The following SMARCA2 variants were observed in gnomAD, a reference collection of about 807,000 sequenced individuals.
SMARCA2 encodes the protein SWI/SNF-related matrix-associated actin-dependent regulator of chromatin subfamily A member 2.
SMARCA2 carries 61 observed loss-of-function variants against 199.8 expected under a neutral mutation model. The observed-to-expected ratio is 0.31, with a 90% CI of 0.25 to 0.38. The LOEUF is 0.38. Among genes scored for constraint, SMARCA2 ranks in the 10% least tolerant of loss-of-function variants. The pLI is 1.00. For synonymous variants in SMARCA2, 935 were observed against 732.0 expected, an observed-to-expected ratio of 1.28 and a Z score of -4.48; for missense variants, 1,344 against 2,012.2, an observed-to-expected ratio of 0.67 and a Z score of 6.35.
At position 2,110,182 on chromosome 9, in the gene SMARCA2, G is replaced by A. The variant is rs1792559281; in HGVS notation, c.3293-72G>A. On this transcript the variant is annotated intron_variant, in intron 23 of 33. Transcript: ENST00000349721. This position sits in a 1 kb window ranked among gnomAD's most constrained non-coding sequence, Gnocchi z 4.8. ...TGGGTATATTTCTTGAAGGAAGCAAGCCTTTTTGTCTCATTCTGTGCCATT... is the reference window on the plus strand; with the variant it reads ...TGGGTATATTTCTTGAAGGAAGCAAACCTTTTTGTCTCATTCTGTGCCATT... The A allele has an allele frequency of 8.1e-7, 1 of 1,241,324 alleles. No individual in the cohort carries two copies. The highest frequency in any genetic ancestry group is 1.1e-6 in the Non-Finnish European group (1 of 891,186). The allele number at this position is 1,241,324 out of a possible 1,614,324, so 76.9% of individuals were successfully genotyped here.
intron 27 of SMARCA2, among the ~76,000 whole-genome samples, chr9:2,157,338 G>C (rs1370978145): frequency 6.6e-6 from 1 of 152,136 alleles, no homozygotes; most frequent in Non-Finnish European, 1.5e-5. Context: ...TGTGTGAGCT[G>C]TCCCCAGAAA....
chr9:2,137,528 T>G (rs1824257001), intron 27 of SMARCA2, among the ~76,000 whole-genome samples: 1 of 152,180 alleles, frequency 6.6e-6, no homozygotes, highest in African/African-American at 2.4e-5. Context: ...TGTCTCCTCC[T>G]TGTCCCAATG....
At position 2,160,690 on chromosome 9, in the gene SMARCA2, A is replaced by G. The variant is rs553100265; in HGVS notation, c.3982-996A>G. 1.3e-5 allele frequency: 9 copies of G among 674,566 alleles called. No homozygotes were observed. The East Asian group carries it at 2.2e-4, about 16-fold the overall frequency. 41.8% of individuals were successfully genotyped at this position (674,566 alleles called of 1,614,324 possible). A position where few individuals can be genotyped will look rare whatever the true frequency, so the allele number is the denominator to read the frequency against. Reference sequence around the variant, plus strand: ...GATTATCATTTGCATACTGGAGGCAATATTGAGAGGCAGGAGGAACAAATA... The same window carrying G: ...GATTATCATTTGCATACTGGAGGCAGTATTGAGAGGCAGGAGGAACAAATA... On this transcript the variant is annotated intron_variant, in intron 27 of 33. Transcript: ENST00000349721.
chr9:2,033,168 G>C, intron 3 of SMARCA2, 87 bp downstream of exon 3: 1 of 1,479,294 alleles, frequency 6.8e-7, no homozygotes. Flanking sequence ...GAATTCCAAA[G>C]AATGTGTCTA....
intron 24 of SMARCA2, among the ~76,000 whole-genome samples, chr9:2,114,889 C>A (rs1011602235): frequency 4.6e-5 from 7 of 152,148 alleles, no homozygotes; most frequent in African/African-American, 1.7e-4. Flanking sequence ...TAAATTTGCA[C>A]ATGTAAGATC....
chr9:2,122,497 T>A (rs10811476), intron 26 of SMARCA2, among the ~76,000 whole-genome samples: 102 of 152,264 alleles, frequency 6.7e-4, no homozygotes, highest in Non-Finnish European at 1.3e-3. Flanking sequence ...GTGAGCTAAT[T>A]ATAGCACATG....
intron 3 of SMARCA2, among the ~76,000 whole-genome samples, chr9:2,038,163 G>A (rs990026382): frequency 6.6e-6 from 1 of 152,138 alleles, no homozygotes; most frequent in Non-Finnish European, 1.5e-5. Context: ...CATGGAAAGG[G>A]CATATGCATT....
intron 27 of SMARCA2, among the ~76,000 whole-genome samples, chr9:2,137,008 T>C (rs979442513): frequency 1.3e-5 from 2 of 152,174 alleles, no homozygotes; most frequent in Admixed American, 1.3e-4. Context: ...AGCAGGCAAC[T>C]GGGTTTATCT....
intron 26 of SMARCA2, among the ~76,000 whole-genome samples, chr9:2,120,564 G>A (rs1823413603): frequency 6.6e-6 from 1 of 152,170 alleles, no homozygotes; most frequent in African/African-American, 2.4e-5. Context: ...GATCCACAGG[G>A]TTTGCAATCT....
chr9:2,188,858 C>G (rs1827677713), intron 32 of SMARCA2, among the ~76,000 whole-genome samples: 1 of 152,202 alleles, frequency 6.6e-6, no homozygotes, highest in African/African-American at 2.4e-5. Context: ...TTCGTAGAAA[C>G]AAAGTTCCCA....
Position 2,161,962 on chromosome 9 carries a change from C to A in SMARCA2, c.4199+59C>A. The A allele has an allele frequency of 7.2e-7, 1 of 1,396,224 alleles. No homozygotes were observed. Among genetic ancestry groups the A allele is most frequent in the Non-Finnish European group, 1.0e-6 (1 of 996,698 alleles). 86.5% of individuals were successfully genotyped at this position (1,396,224 alleles called of 1,614,324 possible). The stretch of plus-strand genomic sequence containing the variant: ...TCACCAAGACGCCGAGTGGCGCTCC[C>A]TGAGGAGCAGGAGTTGTTAAGTTGT... On this transcript the variant is annotated intron_variant, in intron 28 of 33. Transcript: ENST00000349721. This position sits in a 1 kb window ranked among gnomAD's most constrained non-coding sequence, Gnocchi z 4.7.
chr9:2,071,610 C>T (rs1193158438), intron 10 of SMARCA2, among the ~76,000 whole-genome samples: 1 of 152,142 alleles, frequency 6.6e-6, no homozygotes, highest in Non-Finnish European at 1.5e-5. Context: ...TCTTAACACA[C>T]GTGTCCTGTT....
At chr9:2,159,193 A>T (rs1825536493) in intron 27 of SMARCA2, among the ~76,000 whole-genome samples, 1 of 152,220 alleles carries the variant, frequency 6.6e-6, no homozygotes, top group African/African-American at 2.4e-5. Context: ...GGGTGAGAGT[A>T]GAAATATCCT....
chr9:2,127,021 C>A (rs975441487), intron 27 of SMARCA2, among the ~76,000 whole-genome samples: 1 of 152,216 alleles, frequency 6.6e-6, no homozygotes, highest in African/African-American at 2.4e-5. Flanking sequence ...TTTGCAAACT[C>A]ATGTTCAGTC....
intron 27 of SMARCA2, among the ~76,000 whole-genome samples, chr9:2,149,789 A>G (rs929315945): frequency 1.1e-4 from 16 of 151,600 alleles, no homozygotes; most frequent in African/African-American, 1.5e-4. Context: ...TTGGATAGCA[A>G]ATTGTCTTTG....
At chr9:2,140,506 G>T (rs1034793206) in intron 27 of SMARCA2, among the ~76,000 whole-genome samples, 2 of 152,122 alleles carry the variant, frequency 1.3e-5, no homozygotes, top group African/African-American at 4.8e-5. Flanking sequence ...TGACTGTTCT[G>T]TTCTGTCTTT....
chr9:2,096,903 G>A, intron 20 of SMARCA2, 139 bp downstream of exon 20: 2 of 649,502 alleles, frequency 3.1e-6, no homozygotes, highest in South Asian at 1.8e-5. Flanking sequence ...AGCTATTATA[G>A]CTGCCAAAGA....
chr9:2,047,056 C>G (rs913383089), intron 4 of SMARCA2, among the ~76,000 whole-genome samples, 173 bp from the exon 5 acceptor site: 3 of 149,366 alleles, frequency 2.0e-5, no homozygotes, highest in Non-Finnish European at 4.5e-5. Flanking sequence ...GCCCTCCTCT[C>G]CCTCCCTCCT....
At position 2,191,675 on chromosome 9, in the gene SMARCA2, C is replaced by T. The variant is rs1194187748; in HGVS notation, c.4737+267C>T. The T allele has an allele frequency of 3.6e-5, 11 of 305,540 alleles. No homozygotes were observed. The South Asian group carries it at 6.1e-4, about 17-fold the overall frequency. 18.9% of individuals were successfully genotyped at this position (305,540 alleles called of 1,614,324 possible). A position where few individuals can be genotyped will look rare whatever the true frequency, so the allele number is the denominator to read the frequency against. ...TCCCTTTCCCCCTTTTTAATCTTCC[C>T]ACATGCTTTCTTATAAATATGGTTT... is the stretch of plus-strand genomic sequence containing the variant. On this transcript the variant is annotated intron_variant, in intron 33 of 33. Coordinates refer to ENST00000349721, the MANE Select transcript of SMARCA2 (RefSeq NM_003070.5).
Sources: gnomAD v4.1 joint callset for allele counts (sites outside exome capture counted in the v4.1 genomes callset) on GRCh38, gnomAD v4.1.1 for gene constraint, Gnocchi (gnomAD v3.1) non-coding constraint, MANE v1.5 for transcripts, NCBI Gene and HGNC (gene_info 2026-07-23, HGNC 2026-07-21) for gene names.